Variants in SLC6A9 observed in about 807,000 individuals in gnomAD.
The protein encoded by SLC6A9 is sodium- and chloride-dependent glycine transporter 1.
Under a neutral mutation model 70.9 loss-of-function variants are expected in SLC6A9, and 31 were observed. The observed-to-expected ratio is 0.44, with a 90% confidence interval of 0.33 to 0.59. SLC6A9 has a LOEUF of 0.59. Among genes scored for constraint, SLC6A9 ranks in the 20% least tolerant of loss-of-function variants. SLC6A9 has a pLI of 0.04. For missense variants in SLC6A9, 631 were observed against 845.2 expected (o/e 0.75, Z 3.14); for synonymous variants, 310 against 341.3 (o/e 0.91, Z 1.01).
chr1:44,007,157 TCTGACTGCCTGGTCTTGCCC>T (rs1426584459), intron 5 of SLC6A9, among the ~76,000 whole-genome samples: 2 of 152,290 alleles, frequency 1.3e-5, no homozygotes, highest in Non-Finnish European at 2.9e-5. Flanking sequence ...TCTGGGAAGC[TCTGACTGCCTGGTCTTGCCC>T]CATCCCCTTA....
Position 44,008,743 on chromosome 1 carries a change from T to C in SLC6A9, c.320-120A>G, listed in dbSNP as rs997001986. ...TTTTTTGAGATGGAGTCTAGCTCTG[T>C]TGCCCAGGCTCTGACACCCAGGCTG... On this transcript the variant is annotated intron_variant, in intron 4 of 13. Coordinates refer to ENST00000372310, the MANE Select transcript of SLC6A9 (RefSeq NM_001024845.3). 5.3e-5 allele frequency: 42 copies of C among 785,160 alleles called. No individual in the cohort carries two copies. In the African/African-American group the frequency reaches 6.6e-4, roughly 12 times the overall value. The allele number at this position is 785,160 out of a possible 1,614,324, so 48.6% of individuals were successfully genotyped here. A position where few individuals can be genotyped will look rare whatever the true frequency, so the allele number is the denominator to read the frequency against.
At chr1:44,019,883 T>TG (rs1421027827) in intron 2 of SLC6A9, among the ~76,000 whole-genome samples, 1 of 98,156 alleles carries the variant, frequency 1.0e-5, no homozygotes, top group African/African-American at 3.7e-5. Flanking sequence ...GTGCCGGGGA[T>TG]GGGGGAGGGC....
intron 5 of SLC6A9, among the ~76,000 whole-genome samples, chr1:44,007,592 A>G (rs2086364178): frequency 6.6e-6 from 1 of 152,208 alleles, no homozygotes; most frequent in Non-Finnish European, 1.5e-5. Context: ...TGCATCATCA[A>G]GTCTAAGCCT....
chr1:44,000,615 T>C (rs2154304368), intron 12 of SLC6A9, 152 bp downstream of exon 12: 1 of 605,372 alleles, frequency 1.7e-6, no homozygotes, highest in East Asian at 2.9e-5. Context: ...TCTGACTCTC[T>C]CCAACCTCCC....
chr1:44,012,178 C>A (rs374264989), intron 2 of SLC6A9, among the ~76,000 whole-genome samples: 2 of 152,248 alleles, frequency 1.3e-5, no homozygotes, highest in Non-Finnish European at 2.9e-5. Context: ...CGACAGCAGT[C>A]ACTCTGGTCA....
At chr1:44,015,866 T>TC in intron 2 of SLC6A9, 1 of 985,192 alleles carries the variant, frequency 1.0e-6, no homozygotes, top group Non-Finnish European at 1.2e-6. Flanking sequence ...TGGGAAAATC[T>TC]CCCCCGGGCC....
At chr1:44,017,296 G>T in intron 2 of SLC6A9, 2 of 1,453,596 alleles carry the variant, frequency 1.4e-6, no homozygotes, top group Non-Finnish European at 1.8e-6. Context: ...CCCAGCACGG[G>T]TGCTCCGGAG....
intron 5 of SLC6A9, among the ~76,000 whole-genome samples, chr1:44,003,748 C>CAAA (rs34308293): frequency 3.8e-4 from 27 of 71,948 alleles, no homozygotes; most frequent in African/African-American, 8.4e-4. Context: ...AGTCCAATCT[C>CAAA]AAAAAAAAAA....
At chr1:44,012,283 C>T (rs932516774) in intron 2 of SLC6A9, among the ~76,000 whole-genome samples, 21 of 152,260 alleles carry the variant, frequency 1.4e-4, no homozygotes, top group African/African-American at 4.3e-4. Context: ...GGGCCCCAAG[C>T]GCCTTGGATA....
In SLC6A9 at chr1:43,996,930, G is replaced by C. The variant is rs1162397920; in HGVS notation, c.*615C>G. On this transcript the variant is annotated 3_prime_UTR_variant, in exon 14 of 14. Coordinates refer to ENST00000372310, the MANE Select transcript of SLC6A9 (RefSeq NM_001024845.3). ...CTGACAGCCAGGCCTGGAATGAGGG[G>C]CAGAGACCCCGGAGCAGCCCAGTGA... 1 of 153,082 alleles carries C rather than the reference G, an allele frequency of 6.5e-6. No homozygotes were observed. Among genetic ancestry groups the C allele is most frequent in the Non-Finnish European group, 1.5e-5 (1 of 68,412 alleles). 9.5% of individuals were successfully genotyped at this position (153,082 alleles called of 1,614,324 possible). A position where few individuals can be genotyped will look rare whatever the true frequency, so the allele number is the denominator to read the frequency against.
At position 44,002,757 on chromosome 1, in the gene SLC6A9, C is replaced by T. The variant is rs1192242389; in HGVS notation, c.723+96G>A. ...CCTGGTCCCTCTCCGGCTCCGGAGTCCCTTCAGCATCCCCTCCCTGCAATA... is the reference window on the plus strand; with the variant it reads ...CCTGGTCCCTCTCCGGCTCCGGAGTTCCTTCAGCATCCCCTCCCTGCAATA... On this transcript the variant is annotated intron_variant, in intron 6 of 13. Coordinates refer to ENST00000372310, the MANE Select transcript of SLC6A9 (RefSeq NM_001024845.3). The surrounding 1 kb of genome is among the most constrained non-coding windows in gnomAD (Gnocchi z 5.5). 4 of 1,591,880 alleles carry T rather than the reference C, an allele frequency of 2.5e-6. No individual in the cohort carries two copies. The highest frequency in any genetic ancestry group is 2.7e-5 in the African/African-American group (2 of 74,382).
At chr1:43,999,248 C>T (rs1436491771) in intron 12 of SLC6A9, among the ~76,000 whole-genome samples, 3 of 151,648 alleles carry the variant, frequency 2.0e-5, no homozygotes, top group African/African-American at 4.8e-5. Flanking sequence ...AGAGAAAACA[C>T]AACAGCCCAG....
intron 1 of SLC6A9, among the ~76,000 whole-genome samples, chr1:44,026,230 A>G (rs2154307674): frequency 6.6e-6 from 1 of 152,306 alleles, no homozygotes. Flanking sequence ...AAAGTAGATC[A>G]CACCTTGTCC....
At chr1:44,014,930 C>T (rs1269841109) in intron 2 of SLC6A9, 2 of 152,084 alleles carry the variant, frequency 1.3e-5, no homozygotes, top group African/African-American at 2.4e-5. Flanking sequence ...ACTAGATAAC[C>T]TCACTTTCAA....
intron 12 of SLC6A9, among the ~76,000 whole-genome samples, chr1:43,998,344 G>A (rs1274689448): frequency 6.6e-6 from 1 of 152,220 alleles, no homozygotes; most frequent in Admixed American, 6.5e-5. Flanking sequence ...GCTAACTGAA[G>A]TAAGGCCACA....
chr1:44,025,799 C>CAAAA (rs1319474277), intron 1 of SLC6A9, among the ~76,000 whole-genome samples: 1 of 114,436 alleles, frequency 8.7e-6, no homozygotes, highest in African/African-American at 3.2e-5. Context: ...GACTCCGTCT[C>CAAAA]AAAAAAAAAA....
At position 44,000,764 on chromosome 1, in the gene SLC6A9, C is replaced by T; in HGVS notation, c.1536+3G>A. ...GAAGGGAGGGGCCGGCCAGGGAACT[C>T]ACGAAGATGATGGCGGGAGAGACGA... On this transcript the variant is annotated splice_donor_region_variant and intron_variant, in intron 12 of 13. Coordinates refer to ENST00000372310, the MANE Select transcript of SLC6A9 (RefSeq NM_001024845.3). 3 of 1,593,580 alleles carry T rather than the reference C, an allele frequency of 1.9e-6. No individual in the cohort carries two copies. The highest frequency in any genetic ancestry group is 2.6e-6 in the Non-Finnish European group (3 of 1,166,306).
intron 4 of SLC6A9, among the ~76,000 whole-genome samples, chr1:44,009,342 CCA>C (rs1334884090): frequency 6.6e-6 from 1 of 152,014 alleles, no homozygotes; most frequent in Non-Finnish European, 1.5e-5. Flanking sequence ...GCCTCAGCCC[CCA>C]GAGTAGCTAG....
chr1:44,006,586 CAAAAAAA>C (rs34759206), intron 5 of SLC6A9, among the ~76,000 whole-genome samples: 5 of 67,602 alleles, frequency 7.4e-5, no homozygotes, highest in East Asian at 5.1e-4. Context: ...GATTCTGTCT[CAAAAAAA>C]AAAAAAAAAA....
Sources: allele counts gnomAD v4.1 joint callset (sites outside exome capture counted in the v4.1 genomes callset), GRCh38; gene constraint gnomAD v4.1.1; non-coding constraint Gnocchi (gnomAD v3.1); transcripts MANE v1.5; gene names NCBI Gene and HGNC (gene_info 2026-07-23, HGNC 2026-07-21).